JARID2: variants seen among roughly 807,000 people sequenced by gnomAD.
JARID2 encodes protein Jumonji.
A neutral mutation model predicts 125.6 loss-of-function variants in JARID2; 21 were observed. That is an observed-to-expected ratio of 0.17 (90% CI 0.12 to 0.24). The LOEUF is 0.24. Ranked by LOEUF, JARID2 falls within the 10% of genes least tolerant of loss-of-function variation. JARID2 has a pLI of 1.00. For synonymous variants in JARID2, 736 were observed against 661.6 expected (o/e 1.11, Z -1.73); for missense variants, 1,303 against 1,639.6 (o/e 0.79, Z 3.55).
At position 15,520,803 on chromosome 6, in the gene JARID2, G is replaced by A. The variant is rs1047541057; in HGVS notation, c.*552G>A. 4.4e-6 allele frequency: 2 copies of A among 455,848 alleles called. No homozygotes were observed. Among genetic ancestry groups the A allele is most frequent in the African/African-American group, 4.0e-5 (2 of 50,054 alleles). The allele number at this position is 455,848 out of a possible 1,614,324, so 28.2% of individuals were successfully genotyped here. A position where few individuals can be genotyped will look rare whatever the true frequency, so the allele number is the denominator to read the frequency against. On this transcript the variant is annotated 3_prime_UTR_variant, in exon 18 of 18. Coordinates refer to ENST00000341776, the MANE Select transcript of JARID2 (RefSeq NM_004973.4). The stretch of plus-strand genomic sequence containing the variant: ...CGGGGCACCCCCGTTTTGTTTCTCT[G>A]GGCGGTTGTGGCAGCTGAAGGCGGA...
intron 1 of JARID2, among the ~76,000 whole-genome samples, chr6:15,301,429 A>AT (rs1248718381): frequency 6.6e-6 from 1 of 151,614 alleles, no homozygotes; most frequent in Admixed American, 6.6e-5. Flanking sequence ...TCATACCTTT[A>AT]TTTTTTTTCT....
At chr6:15,446,864 G>A (rs1224344826) in intron 3 of JARID2, among the ~76,000 whole-genome samples, 1 of 152,142 alleles carries the variant, frequency 6.6e-6, no homozygotes, top group Non-Finnish European at 1.5e-5. Context: ...AGGTGGCGTG[G>A]CATGACAGAG....
At chr6:15,257,927 T>C (rs1398823689) in intron 1 of JARID2, among the ~76,000 whole-genome samples, 1 of 152,198 alleles carries the variant, frequency 6.6e-6, no homozygotes, top group African/African-American at 2.4e-5. Context: ...AAGAACACAA[T>C]GTGTTATTAG....
intron 1 of JARID2, chr6:15,248,785 C>T (rs1759308668): frequency 6.0e-6 from 2 of 332,016 alleles, no homozygotes; most frequent in Non-Finnish European, 8.6e-6. Context: ...CCTTCCCCTC[C>T]TCCTCCGTGA....
intron 12 of JARID2, 119 bp downstream of exon 12, chr6:15,508,573 C>T: frequency 1.5e-6 from 1 of 668,928 alleles, no homozygotes; most frequent in Non-Finnish European, 2.7e-6. Flanking sequence ...ACTTGCTTCT[C>T]TGTGTTCAGG....
At chr6:15,519,700 CAAGT>C (rs1771739030) in intron 17 of JARID2, among the ~76,000 whole-genome samples, 1 of 152,162 alleles carries the variant, frequency 6.6e-6, no homozygotes, top group African/African-American at 2.4e-5. Context: ...TAAAGTGAGT[CAAGT>C]AGCTTGGGTA....
chr6:15,513,134 G>A lies in JARID2; in HGVS notation c.3266+89G>A, dbSNP rs934999726. The A allele has an allele frequency of 8.8e-6, 14 of 1,591,734 alleles. No individual in the cohort carries two copies. The African/African-American group carries it at 1.6e-4, about 18-fold the overall frequency. The stretch of plus-strand genomic sequence containing the variant: ...CCGAGCAGGCCTCACTTCCTGACAG[G>A]AGGGTGTGTCTGCAGGGAGGCCGGT... On this transcript the variant is annotated intron_variant, in intron 15 of 17. Transcript: ENST00000341776.
At chr6:15,283,069 C>T (rs1440091277) in intron 1 of JARID2, among the ~76,000 whole-genome samples, 1 of 151,580 alleles carries the variant, frequency 6.6e-6, no homozygotes, top group Non-Finnish European at 1.5e-5. Flanking sequence ...AGCTCTGCCT[C>T]CCGGGTTCTT....
Position 15,342,796 on chromosome 6 carries a change from G to A in JARID2, c.46-31321G>A, listed in dbSNP as rs573882353. On this transcript the variant is annotated intron_variant, in intron 1 of 17. Transcript: ENST00000341776. The stretch of plus-strand genomic sequence containing the variant: ...ATGCATCTTGACCTTTTCCCACCTC[G>A]TTATTTTGTGTCGTTACTTACCCAT... Among the ~76,000 whole-genome samples the A allele has an allele frequency of 5.3e-5, 8 of 152,076 alleles. No individual in the cohort carries two copies. In the East Asian group the frequency reaches 9.7e-4, roughly 18 times the overall value.
intron 3 of JARID2, among the ~76,000 whole-genome samples, chr6:15,449,992 T>C (rs1581580900): frequency 6.6e-6 from 1 of 152,202 alleles, no homozygotes; most frequent in East Asian, 1.9e-4. Flanking sequence ...TTTGATGAAG[T>C]AGGCAATCAT....
intron 3 of JARID2, among the ~76,000 whole-genome samples, chr6:15,433,366 T>A (rs990381466): frequency 1.1e-4 from 17 of 151,804 alleles, no homozygotes; most frequent in Admixed American, 5.3e-4. Context: ...TTATTTATAG[T>A]CTAGTTGTTG....
At chr6:15,376,326 G>A (rs1368120362) in intron 2 of JARID2, among the ~76,000 whole-genome samples, 1 of 152,310 alleles carries the variant, frequency 6.6e-6, no homozygotes, top group African/African-American at 2.4e-5. Flanking sequence ...TGAAGGCAGC[G>A]TTCCAAGGTT....
At chr6:15,415,968 A>G (rs1008495967) in intron 3 of JARID2, among the ~76,000 whole-genome samples, 3 of 145,936 alleles carry the variant, frequency 2.1e-5, no homozygotes, top group South Asian at 2.2e-4. Flanking sequence ...CTCACTTCTC[A>G]GACAGGGCGG....
chr6:15,473,920 G>A (rs3819397), intron 5 of JARID2, among the ~76,000 whole-genome samples: 3,351 of 152,266 alleles, frequency 0.022, 77 homozygotes, highest in East Asian at 0.069. Context: ...CAAATGACCC[G>A]GGGGAACATG....
chr6:15,306,554 T>G (rs1412484554), intron 1 of JARID2, among the ~76,000 whole-genome samples: 1 of 151,852 alleles, frequency 6.6e-6, no homozygotes, highest in East Asian at 1.9e-4. Context: ...GCCAGGATGG[T>G]CTTGAACTCC....
At chr6:15,259,644 A>G (rs576845683) in intron 1 of JARID2, among the ~76,000 whole-genome samples, 3 of 152,342 alleles carry the variant, frequency 2.0e-5, no homozygotes, top group African/African-American at 7.2e-5. Context: ...ATCTGCACTT[A>G]GGACAGGGGT....
chr6:15,431,496 CAG>C (rs1766965802), intron 3 of JARID2, among the ~76,000 whole-genome samples: 1 of 152,222 alleles, frequency 6.6e-6, no homozygotes, highest in Admixed American at 6.5e-5. Context: ...ACCTTGAAGA[CAG>C]TGACGGCTTG....
At chr6:15,278,257 T>G (rs903855476) in intron 1 of JARID2, among the ~76,000 whole-genome samples, 5 of 148,928 alleles carry the variant, frequency 3.4e-5, no homozygotes, top group African/African-American at 1.2e-4. Context: ...AAAGGTGAGC[T>G]GGGCGCCGTG....
chr6:15,511,490 G>A lies in JARID2; in HGVS notation c.2952+89G>A, dbSNP rs1771277333. 3.4e-6 allele frequency: 3 copies of A among 877,598 alleles called. No individual in the cohort carries two copies. The Admixed American group carries it at 5.5e-5, about 16-fold the overall frequency. The allele number at this position is 877,598 out of a possible 1,614,324, so 54.4% of individuals were successfully genotyped here. ...TTTCCCATGAACCCGCCTTTCAAAG[G>A]CAATGAGGACACAGCAAAACAAATC... is the stretch of plus-strand genomic sequence containing the variant. On this transcript the variant is annotated intron_variant, in intron 13 of 17. Transcript: ENST00000341776.
Sources: allele counts gnomAD v4.1 joint callset (sites outside exome capture counted in the v4.1 genomes callset), GRCh38; gene constraint gnomAD v4.1.1; transcripts MANE v1.5; gene names NCBI Gene and HGNC (gene_info 2026-07-23, HGNC 2026-07-21).